The following RNF115 variants were observed in gnomAD, a reference collection of about 807,000 sequenced individuals.
RNF115 encodes ring finger protein 115.
Under a neutral mutation model 39.2 loss-of-function variants are expected in RNF115, and 31 were observed. That is an observed-to-expected ratio of 0.79 (90% CI 0.59 to 1.07). RNF115 has a LOEUF of 1.07. Among genes scored for constraint, RNF115 ranks in the 50% least tolerant of loss-of-function variants. The pLI, the probability that RNF115 is intolerant of heterozygous loss-of-function variation, is 0.00. For missense variants in RNF115, 384 were observed against 381.7 expected, an observed-to-expected ratio of 1.01 and a Z score of -0.05; for synonymous variants, 124 against 131.0, an observed-to-expected ratio of 0.95 and a Z score of 0.37.
At chr1:145,753,403 C>A (rs1421779329) in intron 4 of RNF115, among the ~76,000 whole-genome samples, 2 of 152,142 alleles carry the variant, frequency 1.3e-5, no homozygotes, top group Non-Finnish European at 2.9e-5. Context: ...ACCCACCTCC[C>A]TTTAACAAGG....
intron 2 of RNF115, among the ~76,000 whole-genome samples, chr1:145,785,974 T>A (rs587673668): frequency 1.3e-5 from 2 of 152,178 alleles, no homozygotes; most frequent in Admixed American, 1.3e-4. Flanking sequence ...ATGTATCCAT[T>A]TGATTGCTCA....
chr1:145,812,085 G>A (rs1382817416), intron 1 of RNF115, among the ~76,000 whole-genome samples: 4 of 145,702 alleles, frequency 2.7e-5, no homozygotes, highest in Admixed American at 6.8e-5. Flanking sequence ...TAGGATACCT[G>A]CAGGTCTCAG....
intron 4 of RNF115, among the ~76,000 whole-genome samples, chr1:145,760,646 C>T (rs1284296): frequency 0.027 from 4,119 of 152,252 alleles, 184 homozygotes; most frequent in African/African-American, 0.093. Context: ...GCCTCCCCAG[C>T]CATGTGGAAC....
chr1:145,805,627 A>T (rs1649428230), intron 1 of RNF115, among the ~76,000 whole-genome samples: 1 of 152,186 alleles, frequency 6.6e-6, no homozygotes, highest in South Asian at 2.1e-4. Context: ...TAACTCATAA[A>T]GGAGATTATT....
At chr1:145,763,966 C>G (rs901457670) in intron 4 of RNF115, among the ~76,000 whole-genome samples, 4 of 148,870 alleles carry the variant, frequency 2.7e-5, no homozygotes, top group African/African-American at 9.8e-5. Flanking sequence ...GATGCCGAGC[C>G]GAAGCTGGAC....
intron 1 of RNF115, among the ~76,000 whole-genome samples, chr1:145,791,606 T>C (rs782274188): frequency 2.6e-5 from 4 of 152,072 alleles, no homozygotes; most frequent in Non-Finnish European, 5.9e-5. Flanking sequence ...AATATTTCTA[T>C]TCTATCTTCT....
intron 3 of RNF115, chr1:145,773,991 G>A (rs1445572763): frequency 1.3e-5 from 2 of 152,206 alleles, no homozygotes; most frequent in African/African-American, 4.8e-5. Context: ...GCTAGGGTAA[G>A]CTAAAATGCC....
intron 1 of RNF115, among the ~76,000 whole-genome samples, chr1:145,807,986 T>G (rs1649530719): frequency 1.3e-5 from 2 of 152,198 alleles, no homozygotes; most frequent in Non-Finnish European, 2.9e-5. Flanking sequence ...CATAATAACC[T>G]CCAGTTCCAT....
rs1164074188 is a variant in RNF115 at position 145,766,789 on chromosome 1, CG to C, written c.428+4921del. On this transcript the variant is annotated intron_variant, in intron 4 of 8. Coordinates refer to ENST00000582693, the MANE Select transcript of RNF115 (RefSeq NM_014455.4). ...TCACCTCCCGGACAGGGCGGCTGGCCGGGGGGGGGGGGGGGGGGGGGCTGAC... is the reference window on the plus strand; with the variant it reads ...TCACCTCCCGGACAGGGCGGCTGGCCGGGGGGGGGGGGGGGGGGGGCTGAC... 9.8e-4 allele frequency among the ~76,000 whole-genome samples: 5 copies of C among 5,080 alleles called. 1 individual carries two copies. Among genetic ancestry groups the C allele is most frequent in the South Asian group, 0.038 (2 of 52 alleles). The allele number at this position is 5,080 out of a possible 152,430, so 3.3% of individuals were successfully genotyped here.
intron 4 of RNF115, among the ~76,000 whole-genome samples, chr1:145,767,684 T>C (rs1221640841): frequency 6.6e-6 from 1 of 152,170 alleles, no homozygotes; most frequent in African/African-American, 2.4e-5. Flanking sequence ...CTGGGCACCA[T>C]TGAGCACTGA....
intron 3 of RNF115, chr1:145,772,717 GT>G (rs1647698168): frequency 6.6e-6 from 1 of 152,138 alleles, no homozygotes. Context: ...ATGTCTTTGA[GT>G]TTATCCTTCT....
At chr1:145,782,419 C>T (rs370415674) in intron 3 of RNF115, among the ~76,000 whole-genome samples, 3 of 152,062 alleles carry the variant, frequency 2.0e-5, no homozygotes, top group Non-Finnish European at 4.4e-5. Context: ...CTCAGAAGTT[C>T]GAGTCCAGCC....
At chr1:145,776,706 C>T (rs1270861946) in intron 3 of RNF115, among the ~76,000 whole-genome samples, 1 of 151,888 alleles carries the variant, frequency 6.6e-6, no homozygotes, top group Non-Finnish European at 1.5e-5. Context: ...CGTGGTGGAG[C>T]ATGCCTGTAA....
chr1:145,782,030 G>A (rs1402784359), intron 3 of RNF115, among the ~76,000 whole-genome samples: 1 of 151,280 alleles, frequency 6.6e-6, no homozygotes, highest in African/African-American at 2.4e-5. Flanking sequence ...AGCCTCCCAA[G>A]TAGCTGGAAT....
At position 145,771,806 on chromosome 1, in the gene RNF115, A is replaced by C; in HGVS notation, c.333T>G (p.Thr111=). ...GTGGAGGTCTTGCTCCCCAGAAGTC[A>C]GTGTGAGTCTGGTGACCCCTTTCAT... is the stretch of plus-strand genomic sequence containing the variant. ...RANERGHQTH[T]DFWGARPPRL... is the part of the protein sequence containing the mutation. Residue 111 remains threonine, a synonymous_variant, in exon 4 of 9, where the codon ACT becomes ACG. Transcript: ENST00000582693. 6.2e-7 allele frequency: 1 copy of C among 1,614,138 alleles called. No individual in the cohort carries two copies. Among genetic ancestry groups the C allele is most frequent in the Middle Eastern group, 1.6e-4 (1 of 6,062 alleles).
Position 145,774,419 on chromosome 1 carries a change from G to A in RNF115, c.220-2500C>T, listed in dbSNP as rs989167796. ...GGCTGGGGTGCAGTGGCACGATCTC[G>A]GCTCACTGCAACCTCCACCTCCTGG... On this transcript the variant is annotated intron_variant, in intron 3 of 8. Coordinates refer to ENST00000582693, the MANE Select transcript of RNF115 (RefSeq NM_014455.4). Among the ~76,000 whole-genome samples, 7 of 151,050 alleles carry A rather than the reference G, an allele frequency of 4.6e-5. No individual in the cohort carries two copies. In the South Asian group the frequency reaches 8.4e-4, roughly 18 times the overall value.
chr1:145,789,070 G>T, intron 1 of RNF115, 104 bp from the exon 2 acceptor site: 2 of 716,074 alleles, frequency 2.8e-6, no homozygotes, highest in Non-Finnish European at 2.4e-6. Context: ...GCTCTGAAAT[G>T]TTCTATGTAC....
chr1:145,774,028 G>T (rs1012534414), intron 3 of RNF115, among the ~76,000 whole-genome samples: 1 of 152,084 alleles, frequency 6.6e-6, no homozygotes, highest in Non-Finnish European at 1.5e-5. Flanking sequence ...TTGTTTCAGT[G>T]CCCTTTCTTC....
At chr1:145,781,502 A>C (rs1334546340) in intron 3 of RNF115, among the ~76,000 whole-genome samples, 2 of 152,142 alleles carry the variant, frequency 1.3e-5, no homozygotes, top group Non-Finnish European at 2.9e-5. Flanking sequence ...CCTACTCTTC[A>C]AGGCTCCAGT....
Sources: allele counts gnomAD v4.1 joint callset (sites outside exome capture counted in the v4.1 genomes callset), GRCh38; gene constraint gnomAD v4.1.1; transcripts MANE v1.5; gene names NCBI Gene and HGNC (gene_info 2026-07-23, HGNC 2026-07-21).